ATP5F1E: variants seen among roughly 807,000 people sequenced by gnomAD.
ATP5F1E encodes ATP synthase F(1) complex subunit epsilon, mitochondrial.
ATP5F1E carries 5 observed loss-of-function variants against 7.0 expected under a neutral mutation model. The ratio of observed to expected loss-of-function variants is 0.71; its 90% confidence interval spans 0.37 to 1.49. The LOEUF (loss-of-function observed/expected upper bound fraction) is 1.49. Ranked by LOEUF, ATP5F1E falls within the 40% of genes most tolerant of loss-of-function variation. The probability of loss-of-function intolerance (pLI) is 0.03; values close to 1 mark genes in which losing one functional copy is unlikely to be tolerated. For synonymous variants in ATP5F1E, 20 were observed against 20.1 expected, an observed-to-expected ratio of 0.99 and a Z score of 0.02; for missense variants, 59 against 57.1, an observed-to-expected ratio of 1.03 and a Z score of -0.11.
chr20:59,031,589 G>A (rs936787197), intron 1 of ATP5F1E, among the ~76,000 whole-genome samples: 9 of 152,186 alleles, frequency 5.9e-5, no homozygotes, highest in African/African-American at 2.2e-4. Context: ...CTAGACCAAT[G>A]GTTTGCGGTT....
rs1041627561 is a variant in ATP5F1E at position 59,025,830 on chromosome 20, T to C, written c.*3015A>G. On this transcript the variant is annotated 3_prime_UTR_variant, in exon 3 of 3. Coordinates refer to ENST00000243997, the MANE Select transcript of ATP5F1E (RefSeq NM_006886.4). ...GAAGTTGCCATAAATGTTTGCATAATGACATAGCTTTAAGCACTACATGAT... is the reference window on the plus strand; with the variant it reads ...GAAGTTGCCATAAATGTTTGCATAACGACATAGCTTTAAGCACTACATGAT... 3.3e-5 allele frequency: 5 copies of C among 152,280 alleles called. No homozygotes were observed. The highest frequency in any genetic ancestry group is 1.2e-4 in the African/African-American group (5 of 41,478). The allele number at this position is 152,280 out of a possible 1,614,324, so 9.4% of individuals were successfully genotyped here.
rs774257011 is a variant in ATP5F1E at position 59,031,166 on chromosome 20, A to G, written c.33-737T>C. ...TCATGTTTTAGAATTTATTTTGGGG[A>G]CTCAGAGGTATGAGTTCCAATGCCT... is the stretch of plus-strand genomic sequence containing the variant. On this transcript the variant is annotated intron_variant, in intron 1 of 2. Coordinates refer to ENST00000243997, the MANE Select transcript of ATP5F1E (RefSeq NM_006886.4). Among the ~76,000 whole-genome samples, 133 of 152,166 alleles carry G rather than the reference A, an allele frequency of 8.7e-4. 1 individual carries two copies. Among genetic ancestry groups the G allele is most frequent in the Non-Finnish European group, 6.3e-4 (43 of 68,028 alleles).
chr20:59,030,236 T>A, intron 2 of ATP5F1E, 67 bp downstream of exon 2: 2 of 1,592,414 alleles, frequency 1.3e-6, no homozygotes, highest in Non-Finnish European at 1.7e-6. Flanking sequence ...ACTAAAATTA[T>A]TTTGATCTTT....
At chr20:59,030,152 C>T (rs1362320968) in intron 2 of ATP5F1E, 151 bp downstream of exon 2, 2 of 1,021,450 alleles carry the variant, frequency 2.0e-6, no homozygotes, top group Non-Finnish European at 2.8e-6. Flanking sequence ...CTTCTATAAC[C>T]TGCATGCTTT....
intron 1 of ATP5F1E, among the ~76,000 whole-genome samples, chr20:59,031,261 GA>G (rs774950111): frequency 6.6e-6 from 1 of 152,098 alleles, no homozygotes; most frequent in South Asian, 2.1e-4. Flanking sequence ...TCACTCACCT[GA>G]AAAAAACAAC....
intron 1 of ATP5F1E, among the ~76,000 whole-genome samples, chr20:59,031,968 G>C (rs1478396713): frequency 6.6e-6 from 1 of 152,258 alleles, no homozygotes; most frequent in Non-Finnish European, 1.5e-5. Context: ...AAGGTGTCCA[G>C]GGGCACTCTG....
rs2091993154 is a variant in ATP5F1E, at chr20:59,026,124, T to C, written c.*2721A>G. The stretch of plus-strand genomic sequence containing the variant: ...CTCATCTCTTGATTTGCTTTTGTAA[T>C]CAGCAATAATAAAATAGCAGGTAGA... On this transcript the variant is annotated 3_prime_UTR_variant, in exon 3 of 3. Coordinates refer to ENST00000243997, the MANE Select transcript of ATP5F1E (RefSeq NM_006886.4). 6.6e-6 allele frequency: 1 copy of C among 152,216 alleles called. No individual in the cohort carries two copies. The highest frequency in any genetic ancestry group is 1.5e-5 in the Non-Finnish European group (1 of 68,044). 9.4% of individuals were successfully genotyped at this position (152,216 alleles called of 1,614,324 possible).
Position 59,032,308 on chromosome 20 carries a change from C to G in ATP5F1E, c.-57G>C. The G allele has an allele frequency of 6.4e-7, 1 of 1,572,724 alleles. No homozygotes were observed. Among genetic ancestry groups the G allele is most frequent in the Non-Finnish European group, 8.6e-7 (1 of 1,158,718 alleles). On this transcript the variant is annotated 5_prime_UTR_variant, in exon 1 of 3. Coordinates refer to ENST00000243997, the MANE Select transcript of ATP5F1E (RefSeq NM_006886.4). ...ATCGCCAAGACGCCGGCAATGTCGG[C>G]TCAGCCGGGCGGTTCAGCCGCAGGA...
chr20:59,031,481 A>C (rs2092029054), intron 1 of ATP5F1E, among the ~76,000 whole-genome samples: 1 of 152,190 alleles, frequency 6.6e-6, no homozygotes, highest in Admixed American at 6.5e-5. Flanking sequence ...CAAAATGTAA[A>C]GTGCTACACC....
rs763064152 is a variant in ATP5F1E at position 59,030,381 on chromosome 20, C to T, written c.81G>A (p.Leu27=). Residue 27 remains leucine, a synonymous_variant, in exon 2 of 3, where the codon CTG becomes CTA. Transcript: ENST00000243997. Reference sequence around the variant, plus strand: ...CAGCATTTGCTTTGAATTCTGTCTTCAGTGCATCTCTCACTGCTTTTGCAC... The same window carrying T: ...CAGCATTTGCTTTGAATTCTGTCTTTAGTGCATCTCTCACTGCTTTTGCAC... ...QICAKAVRDA[L]KTEFKANAEK... The T allele has an allele frequency of 6.2e-7, 1 of 1,613,922 alleles. No individual in the cohort carries two copies. The highest frequency in any genetic ancestry group is 1.1e-5 in the South Asian group (1 of 91,076).
chr20:59,030,364 G>A lies in ATP5F1E; in HGVS notation c.98C>T (p.Ala33Val). 6.2e-7 allele frequency: 1 copy of A among 1,613,896 alleles called. No individual in the cohort carries two copies. Among genetic ancestry groups the A allele is most frequent in the Non-Finnish European group, 8.5e-7 (1 of 1,179,890 alleles). The change falls in exon 2 of 3, where the codon GCA (alanine) becomes GTA (valine). Residue 33 changes from alanine to valine, a missense_variant. Ala to Val is a moderately conservative substitution (Grantham distance 64). Transcript: ENST00000243997. The stretch of plus-strand genomic sequence containing the variant: ...GCTGCCAGAAGTCTTCTCAGCATTT[G>A]CTTTGAATTCTGTCTTCAGTGCATC... ...VRDALKTEFK[A>V]NAEKTSGSNV... is the part of the protein sequence containing the mutation.
rs1351908113 is a variant in ATP5F1E, at chr20:59,025,682, G to A, written c.*3163C>T. On this transcript the variant is annotated 3_prime_UTR_variant, in exon 3 of 3. Transcript: ENST00000243997. ...GCAGCCTCTCTGCTCTTTGAGAAAG[G>A]GCACACCATGCGCTCGGCAACCATT... The A allele has an allele frequency of 6.6e-6, 1 of 152,148 alleles. No homozygotes were observed. Among genetic ancestry groups the A allele is most frequent in the Non-Finnish European group, 1.5e-5 (1 of 68,040 alleles). 9.4% of individuals were successfully genotyped at this position (152,148 alleles called of 1,614,324 possible).
chr20:59,029,562 A>C (rs1221910329), intron 2 of ATP5F1E: 2 of 152,246 alleles, frequency 1.3e-5, no homozygotes, highest in Non-Finnish European at 2.9e-5. Context: ...AAATCTGAAA[A>C]ACATCTCTCT....
intron 2 of ATP5F1E, 126 bp downstream of exon 2, chr20:59,030,177 C>A: frequency 7.8e-7 from 1 of 1,275,510 alleles, no homozygotes. Flanking sequence ...TATACCATCC[C>A]AATAACTAAC....
At chr20:59,032,197 T>G in intron 1 of ATP5F1E, 23 bp downstream of exon 1, 2 of 1,566,388 alleles carry the variant, frequency 1.3e-6, no homozygotes, top group Non-Finnish European at 1.7e-6. Flanking sequence ...GCGAAGCCCT[T>G]CCCTCTGGAG....
chr20:59,030,215 T>A, intron 2 of ATP5F1E, 88 bp downstream of exon 2: 1 of 1,536,268 alleles, frequency 6.5e-7, no homozygotes, highest in South Asian at 1.1e-5. Flanking sequence ...AAAAAATGAA[T>A]AGAACCCAAA....
chr20:59,028,882 T>G (rs1448040963), intron 2 of ATP5F1E, 41 bp from the exon 3 acceptor site: 1 of 166,902 alleles, frequency 6.0e-6, no homozygotes, highest in Non-Finnish European at 1.5e-5. Flanking sequence ...GCTAGTTCTC[T>G]GTGTTTTCTT....
intron 2 of ATP5F1E, chr20:59,029,558 G>A (rs1354361761): frequency 6.6e-6 from 1 of 152,182 alleles, no homozygotes; most frequent in Non-Finnish European, 1.5e-5. Context: ...AATTAAATCT[G>A]AAAAACATCT....
At chr20:59,030,474 C>T in intron 1 of ATP5F1E, 45 bp from the exon 2 acceptor site, 1 of 1,608,650 alleles carries the variant, frequency 6.2e-7, no homozygotes, top group Non-Finnish European at 8.5e-7. Flanking sequence ...ATCAATATTC[C>T]AGCCAGACAG....
Sources: allele counts gnomAD v4.1 joint callset (sites outside exome capture counted in the v4.1 genomes callset), GRCh38; gene constraint gnomAD v4.1.1; transcripts MANE v1.5; gene names NCBI Gene and HGNC (gene_info 2026-07-23, HGNC 2026-07-21).